Variants in PLPPR1 observed in about 807,000 individuals in gnomAD.
PLPPR1 encodes phospholipid phosphatase-related protein type 1.
Under a neutral mutation model 33.1 loss-of-function variants are expected in PLPPR1, and 10 were observed. The observed-to-expected ratio is 0.30, with a 90% confidence interval of 0.19 to 0.51. The LOEUF (loss-of-function observed/expected upper bound fraction) is 0.51. Ranked by LOEUF, PLPPR1 falls within the 20% of genes least tolerant of loss-of-function variation. The pLI is 0.97. For missense variants in PLPPR1, 304 were observed against 408.1 expected (o/e 0.74, Z 2.20); for synonymous variants, 151 against 151.0 (o/e 1.00, Z 0.00).
At position 101,246,363 on chromosome 9, in the gene PLPPR1, G is replaced by A. The variant is rs76831445; in HGVS notation, c.64-23517G>A. Among the ~76,000 whole-genome samples, 601 of 151,968 alleles carry A rather than the reference G, an allele frequency of 4.0e-3. 3 individuals are homozygous for A. The highest frequency in any genetic ancestry group is 0.014 in the African/African-American group (580 of 41,496). On this transcript the variant is annotated intron_variant, in intron 2 of 7. Coordinates refer to ENST00000374874, the MANE Select transcript of PLPPR1 (RefSeq NM_207299.2). ...CAGGGACAGACTGTGGGACACACAGGCTTAAACCACTTGGCTGACTTTTCA... is the reference window on the plus strand; with the variant it reads ...CAGGGACAGACTGTGGGACACACAGACTTAAACCACTTGGCTGACTTTTCA...
chr9:101,199,560 TAA>T, intron 2 of PLPPR1, among the ~76,000 whole-genome samples: 1 of 152,332 alleles, frequency 6.6e-6, no homozygotes, highest in East Asian at 1.9e-4. Flanking sequence ...CTGTTGGATA[TAA>T]AAGTGATTTG....
At chr9:101,076,097 C>T (rs945010599) in intron 1 of PLPPR1, among the ~76,000 whole-genome samples, 2 of 152,066 alleles carry the variant, frequency 1.3e-5, no homozygotes, top group Non-Finnish European at 2.9e-5. Flanking sequence ...GGACCAGCAG[C>T]ATCAATATCA....
intron 6 of PLPPR1, among the ~76,000 whole-genome samples, chr9:101,316,743 G>T (rs935828187): frequency 6.6e-6 from 1 of 152,004 alleles, no homozygotes; most frequent in Non-Finnish European, 1.5e-5. Flanking sequence ...AAACTCAAGA[G>T]TTATCTAATC....
intron 7 of PLPPR1, among the ~76,000 whole-genome samples, 173 bp from the exon 8 acceptor site, chr9:101,323,851 TA>T (rs1829201432): frequency 1.3e-5 from 2 of 151,602 alleles, no homozygotes; most frequent in Middle Eastern, 6.8e-3. Context: ...AAAAATAAAA[TA>T]AAAAAACCAA....
chr9:101,193,164 G>A (rs75786560), intron 2 of PLPPR1, among the ~76,000 whole-genome samples: 6,792 of 152,196 alleles, frequency 0.045, 472 homozygotes, highest in African/African-American at 0.14. Flanking sequence ...AAATGGGTCT[G>A]GCACTGGAGG....
intron 1 of PLPPR1, among the ~76,000 whole-genome samples, chr9:101,086,669 G>T (rs763438062): frequency 1.3e-5 from 2 of 152,146 alleles, no homozygotes; most frequent in Non-Finnish European, 2.9e-5. Flanking sequence ...CAGTCACAGA[G>T]TAGAACAGAA....
At chr9:101,094,915 A>G (rs540793197) in intron 1 of PLPPR1, among the ~76,000 whole-genome samples, 2 of 152,222 alleles carry the variant, frequency 1.3e-5, no homozygotes, top group Admixed American at 1.3e-4. Context: ...ACAATCTGAT[A>G]TTAGGCAGGA....
chr9:101,211,244 A>G (rs1826685596), intron 2 of PLPPR1, among the ~76,000 whole-genome samples: 1 of 152,186 alleles, frequency 6.6e-6, no homozygotes, highest in South Asian at 2.1e-4. Flanking sequence ...TCCTAGTACT[A>G]TCAACCGGGC....
At chr9:101,029,736 T>G (rs1829918339) in intron 1 of PLPPR1, among the ~76,000 whole-genome samples, 1 of 151,972 alleles carries the variant, frequency 6.6e-6, no homozygotes, top group Non-Finnish European at 1.5e-5. Context: ...CGGGGATAAA[T>G]GATGAGTTAC....
chr9:101,265,204 G>T (rs1588102180), intron 2 of PLPPR1, among the ~76,000 whole-genome samples: 1 of 152,202 alleles, frequency 6.6e-6, no homozygotes, highest in African/African-American at 2.4e-5. Flanking sequence ...CTGAATTTCA[G>T]ATATTGCTGG....
chr9:101,068,029 G>A (rs920294568), intron 1 of PLPPR1, among the ~76,000 whole-genome samples: 7 of 151,996 alleles, frequency 4.6e-5, no homozygotes, highest in African/African-American at 7.2e-5. Context: ...TTATTAAAAG[G>A]TGTCTAAAGT....
chr9:101,286,313 C>CACTTGGTAAAATAAAATGTTGA, intron 4 of PLPPR1, 77 bp downstream of exon 4: 2 of 1,353,948 alleles, frequency 1.5e-6, no homozygotes, highest in Non-Finnish European at 2.0e-6. Context: ...GTAAAATAAA[C>CACTTGGTAAAATAAAATGTTGA]TATGGAAGTA....
At chr9:101,081,440 A>C (rs889053719) in intron 1 of PLPPR1, among the ~76,000 whole-genome samples, 1 of 151,762 alleles carries the variant, frequency 6.6e-6, no homozygotes, top group African/African-American at 2.4e-5. Flanking sequence ...TGATCCACCC[A>C]CCTCAGCCTC....
chr9:101,321,262 G>A (rs143843306), intron 7 of PLPPR1, among the ~76,000 whole-genome samples: 11 of 152,236 alleles, frequency 7.2e-5, no homozygotes, highest in African/African-American at 2.6e-4. Context: ...CATCAGTCAC[G>A]CTCGTTTCCC....
chr9:101,282,671 T>C lies in PLPPR1; in HGVS notation c.253-3433T>C, dbSNP rs147441893. Among the ~76,000 whole-genome samples, 1,021 of 152,260 alleles carry C rather than the reference T, an allele frequency of 6.7e-3. 10 individuals carry two copies. Among genetic ancestry groups the C allele is most frequent in the African/African-American group, 0.023 (976 of 41,560 alleles). On this transcript the variant is annotated intron_variant, in intron 3 of 7. Coordinates refer to ENST00000374874, the MANE Select transcript of PLPPR1 (RefSeq NM_207299.2). ...ATACAGAAAACCCTGAAGACTCTAC[T>C]GAAAACTGTTAGAATAAACTGGTTC...
intron 2 of PLPPR1, among the ~76,000 whole-genome samples, chr9:101,248,480 G>GTGCTATGTTCAGAAAGTTTT (rs1216572360): frequency 1.3e-5 from 2 of 152,042 alleles, no homozygotes; most frequent in East Asian, 3.9e-4. Flanking sequence ...ATTATGCATT[G>GTGCTATGTTCAGAAAGTTTT]TGCTATGTTC....
intron 2 of PLPPR1, among the ~76,000 whole-genome samples, chr9:101,220,152 G>T (rs902053433): frequency 6.6e-6 from 1 of 152,124 alleles, no homozygotes; most frequent in African/African-American, 2.4e-5. Flanking sequence ...CCCACTAAAT[G>T]CCTTGAGTTG....
intron 1 of PLPPR1, among the ~76,000 whole-genome samples, chr9:101,098,882 G>A (rs1205627631): frequency 6.6e-6 from 1 of 152,074 alleles, no homozygotes; most frequent in African/African-American, 2.4e-5. Context: ...TTGAATATAA[G>A]AGAACAAGAG....
chr9:101,122,884 T>C (rs990453034), intron 1 of PLPPR1, among the ~76,000 whole-genome samples: 3 of 152,262 alleles, frequency 2.0e-5, no homozygotes, highest in Non-Finnish European at 4.4e-5. Context: ...CCAGAGGAGC[T>C]AGATCTGTAT....
Sources: allele counts gnomAD v4.1 joint callset (sites outside exome capture counted in the v4.1 genomes callset), GRCh38; gene constraint gnomAD v4.1.1; transcripts MANE v1.5; gene names NCBI Gene and HGNC (gene_info 2026-07-23, HGNC 2026-07-21).